LMBRD2: variants seen among roughly 807,000 people sequenced by gnomAD.
LMBRD2 encodes G protein-coupled receptor-associated protein LMBRD2.
LMBRD2 carries 55 observed loss-of-function variants against 94.4 expected under a neutral mutation model. The ratio of observed to expected loss-of-function variants is 0.58; its 90% CI spans 0.47 to 0.73. The LOEUF is 0.73. Among genes scored for constraint, LMBRD2 ranks in the 30% least tolerant of loss-of-function variants. The pLI, the probability that LMBRD2 is intolerant of heterozygous loss-of-function variation, is 0.00. For synonymous variants in LMBRD2, 246 were observed against 272.4 expected (o/e 0.90, Z 0.95); for missense variants, 640 against 831.9 (o/e 0.77, Z 2.84).
At chr5:36,143,074 A>C (rs1314462074) in intron 2 of LMBRD2, 102 bp downstream of exon 2, 1 of 846,920 alleles carries the variant, frequency 1.2e-6, no homozygotes, top group East Asian at 2.7e-5. Context: ...TTTTAATTCA[A>C]AACTGACATA....
At chr5:36,128,128 T>A (rs1215130590) in intron 6 of LMBRD2, among the ~76,000 whole-genome samples, 1 of 152,142 alleles carries the variant, frequency 6.6e-6, no homozygotes, top group East Asian at 1.9e-4. Flanking sequence ...CTCCAGAGAA[T>A]TCTTCCAGAT....
In LMBRD2 at chr5:36,151,067, G is replaced by C. The variant is rs149221463; in HGVS notation, c.-58+489C>G. ...CAGTTGTAGTATAGTTTGCCCAATG[G>C]ATTTCGCATGGTCATTGTACCTGGA... On this transcript the variant is annotated intron_variant, in intron 1 of 17. Coordinates refer to ENST00000296603, the MANE Select transcript of LMBRD2 (RefSeq NM_001007527.2). The surrounding 1 kb of genome is among the most constrained non-coding windows in gnomAD (Gnocchi z 4.7). Among the ~76,000 whole-genome samples, 3 of 152,114 alleles carry C rather than the reference G, an allele frequency of 2.0e-5. No individual in the cohort carries two copies. Among genetic ancestry groups the C allele is most frequent in the Non-Finnish European group, 4.4e-5 (3 of 68,020 alleles).
chr5:36,107,867 T>C (rs1743509191), intron 16 of LMBRD2, among the ~76,000 whole-genome samples: 4 of 152,266 alleles, frequency 2.6e-5, no homozygotes, highest in Admixed American at 2.6e-4. Context: ...TTAAACCCTG[T>C]GTACTGAAGC....
At position 36,143,257 on chromosome 5, in the gene LMBRD2, A is replaced by G. The variant is rs778796446; in HGVS notation, c.93T>C (p.His31=). The part of the protein sequence containing the change: ...LHRYGDFKKQ[H]RLVIIGTLLA... ...GCAGTGTTCCAATAATCACAAGTCT[A>G]TGCTGTTTCTTAAAGTCTCCATATC... The change falls in exon 2 of 18, where the codon CAT becomes CAC. Residue 31 remains histidine (H), a synonymous_variant. Coordinates refer to ENST00000296603, the MANE Select transcript of LMBRD2 (RefSeq NM_001007527.2). 9.9e-6 allele frequency: 16 copies of G among 1,612,542 alleles called. No individual in the cohort carries two copies. Among genetic ancestry groups the G allele is most frequent in the Non-Finnish European group, 1.4e-5 (16 of 1,178,616 alleles).
intron 16 of LMBRD2, among the ~76,000 whole-genome samples, chr5:36,106,941 A>C (rs1177304888): frequency 6.6e-6 from 1 of 152,112 alleles, no homozygotes; most frequent in Non-Finnish European, 1.5e-5. Context: ...TCCTGCACTT[A>C]GTCTCCCTTC....
intron 17 of LMBRD2, among the ~76,000 whole-genome samples, chr5:36,104,537 T>C (rs1190302268): frequency 6.6e-6 from 1 of 152,066 alleles, no homozygotes; most frequent in African/African-American, 2.4e-5. Context: ...GTACAGACTC[T>C]GTAGCCAGAA....
In LMBRD2 at chr5:36,124,203, T is replaced by C. The variant is rs1456302280; in HGVS notation, c.810A>G (p.Thr270=). 1.3e-6 allele frequency: 2 copies of C among 1,568,634 alleles called. No homozygotes were observed. Among genetic ancestry groups the C allele is most frequent in the South Asian group, 2.2e-5 (2 of 89,144 alleles). Residue 270 remains threonine (T), a synonymous_variant, in exon 7 of 18, where the codon ACA becomes ACG. Transcript: ENST00000296603. ...ATGATTTCATTACCTTTTTAAGTAT[T>C]GTATCAACACATTTTCTCAATGGGT... is the stretch of plus-strand genomic sequence containing the variant. ...YNHPLRKCVD[T]ILKKCPTEYQ... is the part of the protein sequence containing the mutation.
chr5:36,150,829 CT>C (rs1205932005), intron 1 of LMBRD2, among the ~76,000 whole-genome samples: 1 of 152,254 alleles, frequency 6.6e-6, no homozygotes, highest in African/African-American at 2.4e-5. Flanking sequence ...AAGGACCAAG[CT>C]TGAAACAAGC....
intron 3 of LMBRD2, 24 bp downstream of exon 3, chr5:36,142,478 T>G (rs769967229): frequency 7.5e-7 from 1 of 1,341,852 alleles, no homozygotes; most frequent in Admixed American, 1.7e-5. Flanking sequence ...AATGTTTATA[T>G]ATTTTTTTTA....
intron 11 of LMBRD2, among the ~76,000 whole-genome samples, chr5:36,115,945 T>A (rs1344216601): frequency 6.6e-6 from 1 of 152,196 alleles, no homozygotes; most frequent in African/African-American, 2.4e-5. Context: ...GGATGTCAAC[T>A]CCTCTATAAA....
At position 36,141,133 on chromosome 5, in the gene LMBRD2, C is replaced by T; in HGVS notation, c.342G>A (p.Val114=). Reference sequence around the variant, plus strand: ...ATGTTAAAAATTGTGACGTCCAATACACTACCCTCCAGAAAATTGGCATGA... The same window carrying T: ...ATGTTAAAAATTGTGACGTCCAATATACTACCCTCCAGAAAATTGGCATGA... ...DGIMPIFWRV[V]YWTSQFLTWI... Residue 114 remains valine, a synonymous_variant, in exon 4 of 18, where the codon GTG becomes GTA. Coordinates refer to ENST00000296603, the MANE Select transcript of LMBRD2 (RefSeq NM_001007527.2). The T allele has an allele frequency of 1.2e-6, 2 of 1,607,628 alleles. No homozygotes were observed. The highest frequency in any genetic ancestry group is 2.2e-5 in the South Asian group (2 of 90,726).
At chr5:36,137,836 G>A (rs540862916) in intron 4 of LMBRD2, among the ~76,000 whole-genome samples, 9 of 152,308 alleles carry the variant, frequency 5.9e-5, no homozygotes, top group African/African-American at 2.2e-4. Flanking sequence ...TACTGACTTT[G>A]AAGTAGTACC....
chr5:36,133,072 T>C (rs1329063173), intron 6 of LMBRD2, among the ~76,000 whole-genome samples: 6 of 150,372 alleles, frequency 4.0e-5, no homozygotes, highest in Non-Finnish European at 8.9e-5. Flanking sequence ...AACAAGGAAA[T>C]CACTATATCA....
At position 36,128,201 on chromosome 5, in the gene LMBRD2, G is replaced by A. The variant is rs545293938; in HGVS notation, c.748-3936C>T. On this transcript the variant is annotated intron_variant, in intron 6 of 17. Transcript: ENST00000296603. ...TTTGCAAGAACCACAGCATTATAGG[G>A]CTTGGGGTGTCCCCTAATATAGATA... 2.6e-5 allele frequency among the ~76,000 whole-genome samples: 4 copies of A among 152,314 alleles called. No homozygotes were observed. In the South Asian group the frequency reaches 8.3e-4, roughly 32 times the overall value.
chr5:36,108,474 C>T (rs1743524752), intron 16 of LMBRD2, 60 bp downstream of exon 16: 5 of 802,084 alleles, frequency 6.2e-6, no homozygotes, highest in Non-Finnish European at 8.1e-6. Context: ...AACACTCAAT[C>T]TCTATGCAAG....
chr5:36,111,072 C>T (rs1403317150), intron 14 of LMBRD2, 83 bp downstream of exon 14: 1 of 828,536 alleles, frequency 1.2e-6, no homozygotes, highest in African/African-American at 1.8e-5. Context: ...AAAATATTCA[C>T]AAACTACACA....
chr5:36,121,910 AG>A (rs1298273369), intron 9 of LMBRD2, among the ~76,000 whole-genome samples: 1 of 152,170 alleles, frequency 6.6e-6, no homozygotes, highest in African/African-American at 2.4e-5. Context: ...TATACCATCT[AG>A]GTTTAGTACA....
Position 36,103,710 on chromosome 5 carries a change from C to A in LMBRD2, c.*336G>T. 2 of 163,528 alleles carry A rather than the reference C, an allele frequency of 1.2e-5. No homozygotes were observed. Among genetic ancestry groups the A allele is most frequent in the Non-Finnish European group, 2.7e-5 (2 of 74,886 alleles). The allele number at this position is 163,528 out of a possible 1,614,324, so 10.1% of individuals were successfully genotyped here. On this transcript the variant is annotated 3_prime_UTR_variant, in exon 18 of 18. Coordinates refer to ENST00000296603, the MANE Select transcript of LMBRD2 (RefSeq NM_001007527.2). Reference sequence around the variant, plus strand: ...AGTATGACTTATGGCTTCCTTGAATCTTTAAAATAACTCTCTTGAAAAAAA... The same window carrying A: ...AGTATGACTTATGGCTTCCTTGAATATTTAAAATAACTCTCTTGAAAAAAA...
At chr5:36,134,956 G>A (rs1744235634) in intron 6 of LMBRD2, among the ~76,000 whole-genome samples, 1 of 152,160 alleles carries the variant, frequency 6.6e-6, no homozygotes, top group South Asian at 2.1e-4. Flanking sequence ...GACAATGTGT[G>A]TAATAATTAA....
Sources: gnomAD v4.1 joint callset for allele counts (sites outside exome capture counted in the v4.1 genomes callset) on GRCh38, gnomAD v4.1.1 for gene constraint, Gnocchi (gnomAD v3.1) non-coding constraint, MANE v1.5 for transcripts, NCBI Gene and HGNC (gene_info 2026-07-23, HGNC 2026-07-21) for gene names.